Variants in SIRT7 observed in about 807,000 individuals in gnomAD.
The protein encoded by SIRT7 is sirtuin 7, also known as NAD-dependent protein deacetylase sirtuin-7.
In SIRT7, 32 loss-of-function variants were observed where a neutral mutation model predicts 42.8. The observed-to-expected ratio is 0.75, with a 90% confidence interval of 0.56 to 1.00. The LOEUF (loss-of-function observed/expected upper bound fraction) is 1.00, where lower values mean the gene tolerates loss of function less well. SIRT7 is among the 50% of genes least tolerant of loss of function. The pLI is 0.00. For synonymous variants in SIRT7, 297 were observed against 245.2 expected, an observed-to-expected ratio of 1.21 and a Z score of -1.97; for missense variants, 553 against 572.2, an observed-to-expected ratio of 0.97 and a Z score of 0.34.
chr17:81,913,706 G>A lies in SIRT7; in HGVS notation c.1004+68C>T, dbSNP rs1598340728. On this transcript the variant is annotated intron_variant, in intron 9 of 9. Transcript: ENST00000328666. This position sits in a 1 kb window ranked among gnomAD's most constrained non-coding sequence, Gnocchi z 5.0. Reference sequence around the variant, plus strand: ...AGAGCTTCCTCCACACTCAGCTCACGAGAGAAGACAGACAAGGCCCAGCAC... The same window carrying A: ...AGAGCTTCCTCCACACTCAGCTCACAAGAGAAGACAGACAAGGCCCAGCAC... The A allele has an allele frequency of 1.0e-5, 14 of 1,339,892 alleles. No homozygotes were observed. The highest frequency in any genetic ancestry group is 2.5e-5 in the South Asian group (2 of 79,072). 83.0% of individuals were successfully genotyped at this position (1,339,892 alleles called of 1,614,324 possible).
intron 3 of SIRT7, 121 bp from the exon 4 acceptor site, chr17:81,915,802 C>CCAG: frequency 1.8e-6 from 2 of 1,115,770 alleles, no homozygotes; most frequent in Non-Finnish European, 2.6e-6. Flanking sequence ...TGCATGTTGG[C>CCAG]CTCTATTCAT....
chr17:81,917,036 C>T (rs927987395), intron 3 of SIRT7: 15 of 152,238 alleles, frequency 9.9e-5, no homozygotes, highest in African/African-American at 3.6e-4. Context: ...CCCAGCACAG[C>T]CAGCTTTACA....
intron 7 of SIRT7, 49 bp downstream of exon 7, chr17:81,914,245 C>T (rs753450449): frequency 6.2e-7 from 1 of 1,611,722 alleles, no homozygotes; most frequent in Non-Finnish European, 8.5e-7. Flanking sequence ...AGCTGGACAC[C>T]CTCGGGCGGG....
rs761645635 is a variant in SIRT7, at chr17:81,914,644, C to T, written c.539G>A (p.Arg180His). The change falls in exon 6 of 10, where the codon CGC becomes CAC. Residue 180 changes from arginine (R) to histidine (H), a missense_variant. By Grantham distance (29) the Arg-to-His change is conservative. Coordinates refer to ENST00000328666, the MANE Select transcript of SIRT7 (RefSeq NM_016538.3). ...DGLHLRSGLP[R>H]TAISELHGNM... The stretch of plus-strand genomic sequence containing the variant: ...CCCGTGGAGCTCGGAGATGGCCGTG[C>T]GCGGCAGCCCACTCCTCAGGTGGAG... 17 of 1,612,976 alleles carry T rather than the reference C, an allele frequency of 1.1e-5. 1 individual carries two copies. The highest frequency in any genetic ancestry group is 4.0e-5 in the African/African-American group (3 of 74,912).
chr17:81,914,579 C>T (rs1357872215), intron 6 of SIRT7, 25 bp downstream of exon 6: 1 of 1,612,714 alleles, frequency 6.2e-7, no homozygotes, highest in Non-Finnish European at 8.5e-7. Context: ...CCATGGAGAC[C>T]CTGGGTCCCT....
chr17:81,914,373 C>CCCAA lies in SIRT7; in HGVS notation c.733_736dup (p.Gly246ValfsTer44). Reference sequence around the variant, plus strand: ...CGCCGCTTCCCAGTTCAAAGGCTGCCCCAACGTCCCCCTCTCCCCAAAGTG... The same window carrying CCCAA: ...CGCCGCTTCCCAGTTCAAAGGCTGCCCCAACCAACGTCCCCCTCTCCCCAAAGTG... On this transcript the variant is annotated frameshift_variant, in exon 7 of 10. Coordinates refer to ENST00000328666, the MANE Select transcript of SIRT7 (RefSeq NM_016538.3). LOFTEE classifies it high-confidence loss of function. The CCCAA allele has an allele frequency of 6.2e-7, 1 of 1,613,020 alleles. No individual in the cohort carries two copies. Among genetic ancestry groups the CCCAA allele is most frequent in the Non-Finnish European group, 8.5e-7 (1 of 1,180,004 alleles).
At chr17:81,915,734 T>C (rs935971289) in intron 3 of SIRT7, 53 bp from the exon 4 acceptor site, 13 of 1,588,236 alleles carry the variant, frequency 8.2e-6, no homozygotes, top group African/African-American at 6.7e-5. Context: ...CTGTAGGTAC[T>C]GGCAGAATTC....
intron 3 of SIRT7, chr17:81,916,815 G>A (rs1035970737): frequency 3.3e-5 from 5 of 152,268 alleles, no homozygotes; most frequent in Admixed American, 2.6e-4. Context: ...AAACCCCAGG[G>A]CTCCGGGTAT....
Position 81,914,534 on chromosome 17 carries a change from G to C in SIRT7, c.580-4C>G. On this transcript the variant is annotated splice_region_variant and splice_polypyrimidine_tract_variant and intron_variant, in intron 6 of 9. Transcript: ENST00000328666. ...TGGGAACGCAGGAGGTACAGACCTA[G>C]AGGCAAGAGGGCACAGTGAGTGGGA... 2 of 1,613,064 alleles carry C rather than the reference G, an allele frequency of 1.2e-6. No individual in the cohort carries two copies. Among genetic ancestry groups the C allele is most frequent in the East Asian group, 2.2e-5 (1 of 44,894 alleles).
intron 5 of SIRT7, chr17:81,914,982 A>G: frequency 1.9e-6 from 1 of 528,832 alleles, no homozygotes; most frequent in East Asian, 3.3e-5. Flanking sequence ...CAAGGTTGGG[A>G]AGTGGCTCGG....
At chr17:81,914,228 G>A (rs548065139) in intron 7 of SIRT7, 61 bp from the exon 8 acceptor site, 1 of 1,612,296 alleles carries the variant, frequency 6.2e-7, no homozygotes, top group African/African-American at 1.3e-5. Context: ...ACAGTGCTGG[G>A]CCGCAGAGCT....
In SIRT7 at chr17:81,913,315, G is replaced by A. The variant is rs960823521; in HGVS notation, c.1004+459C>T. The stretch of plus-strand genomic sequence containing the variant: ...GACCCTGAAAATTCACAGAGAAAGA[G>A]AGTGTAAACTTTTTACTCAATACAT... On this transcript the variant is annotated intron_variant, in intron 9 of 9. Transcript: ENST00000328666. The surrounding 1 kb of genome is among the most constrained non-coding windows in gnomAD (Gnocchi z 5.0). 16 of 455,810 alleles carry A rather than the reference G, an allele frequency of 3.5e-5. No homozygotes were observed. The highest frequency in any genetic ancestry group is 2.6e-4 in the Admixed American group (11 of 42,424). The allele number at this position is 455,810 out of a possible 1,614,324, so 28.2% of individuals were successfully genotyped here.
chr17:81,915,012 T>G, intron 5 of SIRT7: 1 of 507,070 alleles, frequency 2.0e-6, no homozygotes, highest in Non-Finnish European at 3.6e-6. Flanking sequence ...AGGGCCACTC[T>G]GCCCCAGATC....
rs2040759970 is a variant in SIRT7 at position 81,914,667 on chromosome 17, G to A, written c.516C>T (p.Leu172=). 2 of 1,612,872 alleles carry A rather than the reference G, an allele frequency of 1.2e-6. No homozygotes were observed. The highest frequency in any genetic ancestry group is 1.3e-5 in the African/African-American group (1 of 74,920). ...QHVVSQNCDG[L]HLRSGLPRTA... is the part of the protein sequence containing the mutation. ...TGCGCGGCAGCCCACTCCTCAGGTG[G>A]AGCCCGTCACAGTTCTGAGACACCA... The change falls in exon 6 of 10, where the codon CTC becomes CTT. Residue 172 remains leucine (L), a synonymous_variant. Transcript: ENST00000328666.
intron 5 of SIRT7, chr17:81,915,165 T>C: frequency 3.6e-6 from 2 of 556,398 alleles, no homozygotes; most frequent in South Asian, 4.1e-5. Flanking sequence ...GCTTCTGAGG[T>C]CCACAGAAAA....
intron 5 of SIRT7, 93 bp from the exon 6 acceptor site, chr17:81,914,795 G>T: frequency 1.9e-6 from 2 of 1,045,250 alleles, no homozygotes; most frequent in African/African-American, 1.6e-5. Context: ...TCTGAGCCCC[G>T]CCGATGGCTC....
Position 81,912,224 on chromosome 17 carries a change from CGA to C in SIRT7, c.*190_*191del. The C allele has an allele frequency of 1.5e-6, 1 of 672,712 alleles. No homozygotes were observed. The highest frequency in any genetic ancestry group is 2.5e-6 in the Non-Finnish European group (1 of 396,298). The allele number at this position is 672,712 out of a possible 1,614,324, so 41.7% of individuals were successfully genotyped here. On this transcript the variant is annotated 3_prime_UTR_variant, in exon 10 of 10. Transcript: ENST00000328666. Reference sequence around the variant, plus strand: ...CAGAGGCCGGATGGGCAGGTGTCCTCGATGGCCAGGCCGTATCAGGGTACAAC... The same window carrying C: ...CAGAGGCCGGATGGGCAGGTGTCCTCTGGCCAGGCCGTATCAGGGTACAAC...
rs2143778231 is a variant in SIRT7, at chr17:81,913,060, A to C, written c.1005-446T>G. ...GTGGCCTACAGACGACCCCGTGAAG[A>C]AAGCATGTGTCTGACGGAGATGCAG... On this transcript the variant is annotated intron_variant, in intron 9 of 9. Transcript: ENST00000328666. This position sits in a 1 kb window ranked among gnomAD's most constrained non-coding sequence, Gnocchi z 5.0. The C allele has an allele frequency of 2.8e-6, 1 of 354,602 alleles. No individual in the cohort carries two copies. Among genetic ancestry groups the C allele is most frequent in the Non-Finnish European group, 5.4e-6 (1 of 183,780 alleles). The allele number at this position is 354,602 out of a possible 1,614,324, so 22.0% of individuals were successfully genotyped here.
In SIRT7 at chr17:81,913,996, T is replaced by A; in HGVS notation, c.897+91A>T. 1 of 1,571,546 alleles carries A rather than the reference T, an allele frequency of 6.4e-7. No individual in the cohort carries two copies. The highest frequency in any genetic ancestry group is 1.4e-5 in the African/African-American group (1 of 73,858). On this transcript the variant is annotated intron_variant, in intron 8 of 9. Coordinates refer to ENST00000328666, the MANE Select transcript of SIRT7 (RefSeq NM_016538.3). The surrounding 1 kb of genome is among the most constrained non-coding windows in gnomAD (Gnocchi z 5.0). Reference sequence around the variant, plus strand: ...TCCCTGAGCACCCACGGGGGCCCTATCAGACCGCCCTGGTGCATGGGTGTG... The same window carrying A: ...TCCCTGAGCACCCACGGGGGCCCTAACAGACCGCCCTGGTGCATGGGTGTG...
Sources: gnomAD v4.1 joint callset for allele counts on GRCh38, gnomAD v4.1.1 for gene constraint, Gnocchi (gnomAD v3.1) non-coding constraint, MANE v1.5 for transcripts, NCBI Gene and HGNC (gene_info 2026-07-23, HGNC 2026-07-21) for gene names.